The following RGS7 variants were observed in gnomAD, a reference collection of about 807,000 sequenced individuals.
RGS7 encodes regulator of G protein signaling 7.
In RGS7, 27 loss-of-function variants were observed where a neutral mutation model predicts 81.1. The observed-to-expected ratio is 0.33, with a 90% CI of 0.25 to 0.46. The LOEUF (loss-of-function observed/expected upper bound fraction) is 0.46. RGS7 is among the 20% of genes least tolerant of loss of function. RGS7 has a pLI of 1.00. For synonymous variants in RGS7, 208 were observed against 207.7 expected, an observed-to-expected ratio of 1.00 and a Z score of -0.01; for missense variants, 396 against 607.4, an observed-to-expected ratio of 0.65 and a Z score of 3.66.
intron 2 of RGS7, among the ~76,000 whole-genome samples, chr1:241,278,565 C>T (rs1040025437): frequency 3.9e-5 from 6 of 152,168 alleles, no homozygotes; most frequent in Non-Finnish European, 5.9e-5. Context: ...GGCTCAAGGG[C>T]AGATCCTCCT....
intron 18 of RGS7, among the ~76,000 whole-genome samples, chr1:240,786,525 G>C (rs533061650): frequency 6.6e-6 from 1 of 152,200 alleles, no homozygotes; most frequent in Non-Finnish European, 1.5e-5. Flanking sequence ...TTGCACATAA[G>C]GGAATGTATT....
chr1:241,148,937 A>G (rs987423941), intron 2 of RGS7, among the ~76,000 whole-genome samples: 1 of 152,258 alleles, frequency 6.6e-6, no homozygotes, highest in Non-Finnish European at 1.5e-5. Flanking sequence ...TAATGAGCAC[A>G]TACAAAAATG....
chr1:240,919,164 G>C (rs1229698949), intron 6 of RGS7, among the ~76,000 whole-genome samples: 2 of 152,076 alleles, frequency 1.3e-5, no homozygotes, highest in African/African-American at 4.8e-5. Context: ...ATTTGAGGAA[G>C]AAATAATACT....
chr1:241,305,180 T>G (rs1558295812), intron 2 of RGS7, among the ~76,000 whole-genome samples: 1 of 152,258 alleles, frequency 6.6e-6, no homozygotes, highest in Non-Finnish European at 1.5e-5. Flanking sequence ...TGAAATAATT[T>G]ACAAATGTAT....
chr1:241,307,790 ATGAC>A, intron 2 of RGS7, among the ~76,000 whole-genome samples: 1 of 149,618 alleles, frequency 6.7e-6, no homozygotes, highest in Non-Finnish European at 1.5e-5. Context: ...TTTTGAATGA[ATGAC>A]TGAATGAATG....
chr1:241,057,458 T>A (rs2061529067), intron 3 of RGS7, among the ~76,000 whole-genome samples: 1 of 152,194 alleles, frequency 6.6e-6, no homozygotes. Flanking sequence ...ACAAAGTCGG[T>A]ACTATTATTT....
intron 3 of RGS7, among the ~76,000 whole-genome samples, chr1:241,090,225 A>G (rs865907079): frequency 6.6e-6 from 1 of 152,118 alleles, no homozygotes; most frequent in African/African-American, 2.4e-5. Context: ...CGGAGATAAG[A>G]TTTTGCAGTA....
In RGS7 at chr1:241,045,034, G is replaced by T. The variant is rs190312665; in HGVS notation, c.175+53632C>A. Among the ~76,000 whole-genome samples the T allele has an allele frequency of 5.3e-5, 8 of 152,216 alleles. No individual in the cohort carries two copies. In the East Asian group the frequency reaches 1.4e-3, roughly 26 times the overall value. On this transcript the variant is annotated intron_variant, in intron 3 of 18. Transcript: ENST00000440928. ...TTTCTAAAGAGCTTTTAATTTCCAT[G>T]ATGGCAATTACTTTCTCTTCAGTTT...
intron 4 of RGS7, among the ~76,000 whole-genome samples, chr1:240,946,812 A>T (rs1678697645): frequency 6.6e-6 from 1 of 152,196 alleles, no homozygotes; most frequent in Non-Finnish European, 1.5e-5. Context: ...ATTACACAGT[A>T]GGGTGACTAT....
chr1:240,800,339 T>C (rs926341529), intron 18 of RGS7, among the ~76,000 whole-genome samples: 3 of 152,198 alleles, frequency 2.0e-5, no homozygotes, highest in African/African-American at 4.8e-5. Flanking sequence ...TGCAATCACA[T>C]TGAATGTTCA....
intron 2 of RGS7, among the ~76,000 whole-genome samples, chr1:241,203,629 T>C (rs1272039374): frequency 1.4e-4 from 21 of 152,188 alleles, no homozygotes; most frequent in Admixed American, 1.4e-3. Flanking sequence ...AGTTTTCTGT[T>C]TAAACCAATC....
At chr1:240,924,414 C>T (rs1674084794) in intron 6 of RGS7, among the ~76,000 whole-genome samples, 1 of 152,118 alleles carries the variant, frequency 6.6e-6, no homozygotes, top group Admixed American at 6.6e-5. Context: ...TTCCATTGAA[C>T]ATTTACTGAG....
rs570112172 is a variant in RGS7, at chr1:241,007,631, A to G, written c.176-24502T>C. 2.5e-4 allele frequency among the ~76,000 whole-genome samples: 38 copies of G among 152,300 alleles called. 2 individuals carry two copies. Among genetic ancestry groups the G allele is most frequent in the Admixed American group, 1.6e-3 (24 of 15,286 alleles). On this transcript the variant is annotated intron_variant, in intron 3 of 18. Coordinates refer to ENST00000440928, the MANE Select transcript of RGS7 (RefSeq NM_001364886.1). Reference sequence around the variant, plus strand: ...TGACTAGAAAGTGAAATCAGTTTAAAAGCGTGGTATGAGTATGTGTATTCC... The same window carrying G: ...TGACTAGAAAGTGAAATCAGTTTAAGAGCGTGGTATGAGTATGTGTATTCC...
At chr1:241,035,516 G>A (rs570099546) in intron 3 of RGS7, among the ~76,000 whole-genome samples, 1 of 152,202 alleles carries the variant, frequency 6.6e-6, no homozygotes, top group East Asian at 1.9e-4. Flanking sequence ...GGGCTTTCTC[G>A]ATGACATCTC....
intron 2 of RGS7, among the ~76,000 whole-genome samples, chr1:241,112,278 G>T (rs2065569336): frequency 6.6e-6 from 1 of 152,094 alleles, no homozygotes; most frequent in Non-Finnish European, 1.5e-5. Context: ...ATAAAATGCA[G>T]CCCAGAGATG....
chr1:240,984,934 T>C (rs1267363401), intron 3 of RGS7, among the ~76,000 whole-genome samples: 1 of 152,198 alleles, frequency 6.6e-6, no homozygotes, highest in Non-Finnish European at 1.5e-5. Flanking sequence ...ACTCCAAGTA[T>C]TGACTTGAAC....
intron 4 of RGS7, among the ~76,000 whole-genome samples, chr1:240,974,130 A>T (rs1314581240): frequency 6.6e-6 from 1 of 152,170 alleles, no homozygotes; most frequent in African/African-American, 2.4e-5. Context: ...AAGTTACTTG[A>T]TCCAGTTGTT....
At chr1:241,306,328 C>T (rs2080128854) in intron 2 of RGS7, among the ~76,000 whole-genome samples, 1 of 151,308 alleles carries the variant, frequency 6.6e-6, no homozygotes, top group Non-Finnish European at 1.5e-5. Flanking sequence ...TGTCCACACC[C>T]TTACACACAT....
Position 241,313,161 on chromosome 1 carries a change from A to T in RGS7, c.78+42538T>A, listed in dbSNP as rs188943029. ...AGCCATCTCCGTAACATAAAAGTAC[A>T]AAGTGAAGCAGCAAATGCTGATGAA... On this transcript the variant is annotated intron_variant, in intron 2 of 18. Coordinates refer to ENST00000440928, the MANE Select transcript of RGS7 (RefSeq NM_001364886.1). Among the ~76,000 whole-genome samples, 101 of 152,384 alleles carry T rather than the reference A, an allele frequency of 6.6e-4. 1 individual carries two copies. Among genetic ancestry groups the T allele is most frequent in the Admixed American group, 2.0e-3 (30 of 15,308 alleles).
Sources: gnomAD v4.1 joint callset for allele counts (sites outside exome capture counted in the v4.1 genomes callset) on GRCh38, gnomAD v4.1.1 for gene constraint, MANE v1.5 for transcripts, NCBI Gene and HGNC (gene_info 2026-07-23, HGNC 2026-07-21) for gene names.